Variants in SMYD3 observed in about 807,000 individuals in gnomAD.
SMYD3 encodes the protein histone-lysine N-methyltransferase SMYD3.
Under a neutral mutation model 57.7 loss-of-function variants are expected in SMYD3, and 36 were observed. The observed-to-expected ratio is 0.62, with a 90% CI of 0.48 to 0.82. SMYD3 has a LOEUF of 0.82. Ranked by LOEUF, SMYD3 falls within the 40% of genes least tolerant of loss-of-function variation. The pLI, the probability that SMYD3 is intolerant of heterozygous loss-of-function variation, is 0.00. For synonymous variants in SMYD3, 211 were observed against 195.0 expected, an observed-to-expected ratio of 1.08 and a Z score of -0.68; for missense variants, 515 against 538.8, an observed-to-expected ratio of 0.96 and a Z score of 0.44.
At chr1:246,321,824 C>T (rs1335840656) in intron 5 of SMYD3, 2 of 152,590 alleles carry the variant, frequency 1.3e-5, no homozygotes, top group Admixed American at 1.3e-4. Flanking sequence ...TCACAGCTCA[C>T]TGCAGCCTCG....
intron 5 of SMYD3, among the ~76,000 whole-genome samples, chr1:246,163,357 G>C (rs921344042): frequency 3.9e-5 from 6 of 152,204 alleles, no homozygotes; most frequent in Non-Finnish European, 8.8e-5. Context: ...TTATAACACT[G>C]CTAAGCATTC....
rs1271141304 is a variant in SMYD3, at chr1:246,015,731, T to G, written c.532-85794A>C. On this transcript the variant is annotated intron_variant, in intron 5 of 11. Coordinates refer to ENST00000490107, the MANE Select transcript of SMYD3 (RefSeq NM_001167740.2). ...ACTACCTTATTTCACTTAGCATGTCTTCAAGGTTCACCCATGTTATAGCAT... is the reference window on the plus strand; with the variant it reads ...ACTACCTTATTTCACTTAGCATGTCGTCAAGGTTCACCCATGTTATAGCAT... 2.0e-5 allele frequency among the ~76,000 whole-genome samples: 3 copies of G among 152,214 alleles called. 1 individual carries two copies. Among genetic ancestry groups the G allele is most frequent in the Non-Finnish European group, 4.4e-5 (3 of 68,036 alleles).
intron 5 of SMYD3, among the ~76,000 whole-genome samples, chr1:245,967,014 C>T (rs1323604531): frequency 6.6e-6 from 1 of 152,166 alleles, no homozygotes; most frequent in Non-Finnish European, 1.5e-5. Flanking sequence ...GTCATCAGAA[C>T]TCCAACTGCT....
intron 5 of SMYD3, among the ~76,000 whole-genome samples, chr1:246,142,795 G>T (rs1047513809): frequency 6.6e-6 from 1 of 152,172 alleles, no homozygotes; most frequent in Non-Finnish European, 1.5e-5. Context: ...GAGAGTTCTC[G>T]TAAGTATATT....
At chr1:246,354,163 G>A (rs560173583) in intron 2 of SMYD3, among the ~76,000 whole-genome samples, 1 of 152,256 alleles carries the variant, frequency 6.6e-6, no homozygotes, top group Admixed American at 6.5e-5. Context: ...GAGGAGGCAA[G>A]TGACATAGAC....
At chr1:246,033,323 T>C (rs930681193) in intron 5 of SMYD3, among the ~76,000 whole-genome samples, 1 of 152,210 alleles carries the variant, frequency 6.6e-6, no homozygotes, top group Non-Finnish European at 1.5e-5. Context: ...TTTCTATTTA[T>C]ACAACTTTCT....
chr1:246,292,690 T>C (rs1295894430), intron 5 of SMYD3, among the ~76,000 whole-genome samples: 2 of 152,204 alleles, frequency 1.3e-5, no homozygotes, highest in Non-Finnish European at 2.9e-5. Flanking sequence ...AATGACACAT[T>C]ACAAGCTTCC....
chr1:246,280,793 G>A (rs1320355246), intron 5 of SMYD3, among the ~76,000 whole-genome samples: 1 of 152,100 alleles, frequency 6.6e-6, no homozygotes, highest in Non-Finnish European at 1.5e-5. Context: ...TTCTGTTTCT[G>A]CATTTATCAG....
At chr1:246,459,055 TG>T (rs367826327) in intron 1 of SMYD3, among the ~76,000 whole-genome samples, 2 of 152,046 alleles carry the variant, frequency 1.3e-5, no homozygotes, top group South Asian at 2.1e-4. Flanking sequence ...AGGGGCCTGA[TG>T]GGGGGGTGAC....
intron 1 of SMYD3, among the ~76,000 whole-genome samples, chr1:246,454,196 C>A (rs1247471403): frequency 1.3e-5 from 2 of 152,138 alleles, no homozygotes; most frequent in African/African-American, 4.8e-5. Context: ...CATAAAGAAA[C>A]TGCTATGCAT....
At chr1:245,996,807 C>T (rs1572863642) in intron 5 of SMYD3, among the ~76,000 whole-genome samples, 1 of 152,312 alleles carries the variant, frequency 6.6e-6, no homozygotes, top group Non-Finnish European at 1.5e-5. Context: ...AAGTTCAAAG[C>T]CTATGGGAGG....
chr1:246,271,196 T>C (rs1017523555), intron 5 of SMYD3, among the ~76,000 whole-genome samples: 7 of 152,222 alleles, frequency 4.6e-5, no homozygotes, highest in African/African-American at 9.7e-5. Flanking sequence ...TATTTTGATA[T>C]TGATCCATTA....
chr1:245,892,203 CAG>C (rs1463943338), intron 8 of SMYD3, among the ~76,000 whole-genome samples: 1 of 152,116 alleles, frequency 6.6e-6, no homozygotes, highest in Admixed American at 6.5e-5. Context: ...GTGAACAATT[CAG>C]AGACTCTGAT....
intron 11 of SMYD3, among the ~76,000 whole-genome samples, chr1:245,756,104 TTA>T (rs890059989): frequency 1.5e-3 from 222 of 148,170 alleles, no homozygotes; most frequent in Admixed American, 3.7e-3. Flanking sequence ...TATATATATT[TTA>T]TATATATATA....
rs1309319308 is a variant in SMYD3, at chr1:245,897,897, C to CA, written c.813+17632dup. Reference sequence around the variant, plus strand: ...CTAGAAGACACAGTGAGACTGTCTCCAAAAAAAAAAAAAGTATTGTCAATC... The same window carrying CA: ...CTAGAAGACACAGTGAGACTGTCTCCAAAAAAAAAAAAAAGTATTGTCAATC... On this transcript the variant is annotated intron_variant, in intron 8 of 11. Coordinates refer to ENST00000490107, the MANE Select transcript of SMYD3 (RefSeq NM_001167740.2). Among the ~76,000 whole-genome samples the CA allele has an allele frequency of 6.2e-3, 818 of 131,648 alleles. 6 individuals carry two copies. The highest frequency in any genetic ancestry group is 0.017 in the African/African-American group (609 of 36,174). The allele number at this position is 131,648 out of a possible 152,430, so 86.4% of individuals were successfully genotyped here.
intron 5 of SMYD3, among the ~76,000 whole-genome samples, chr1:246,153,956 T>C (rs1026474325): frequency 1.3e-5 from 2 of 152,216 alleles, no homozygotes; most frequent in East Asian, 3.9e-4. Flanking sequence ...AAATCTACCC[T>C]TGCTTTGGGT....
intron 5 of SMYD3, among the ~76,000 whole-genome samples, chr1:246,098,358 C>T (rs938656728): frequency 6.6e-6 from 1 of 152,172 alleles, no homozygotes; most frequent in African/African-American, 2.4e-5. Flanking sequence ...GTGTCCAGCA[C>T]ACGTTCGAAA....
At chr1:246,279,777 C>T (rs79720235) in intron 5 of SMYD3, among the ~76,000 whole-genome samples, 3,578 of 152,262 alleles carry the variant, frequency 0.023, 142 homozygotes, top group African/African-American at 0.081. Context: ...ACAGCCCTGC[C>T]TGTGACGCAT....
At chr1:246,476,538 C>T (rs1196817014) in intron 1 of SMYD3, among the ~76,000 whole-genome samples, 1 of 152,158 alleles carries the variant, frequency 6.6e-6, no homozygotes. Flanking sequence ...AACCACTTTG[C>T]CCTGCTACCC....
Sources: gnomAD v4.1 joint callset for allele counts (sites outside exome capture counted in the v4.1 genomes callset) on GRCh38, gnomAD v4.1.1 for gene constraint, MANE v1.5 for transcripts, NCBI Gene and HGNC (gene_info 2026-07-23, HGNC 2026-07-21) for gene names.